ATRNL1: variants seen among roughly 807,000 people sequenced by gnomAD.
ATRNL1 encodes attractin-like protein 1.
ATRNL1 carries 95 observed loss-of-function variants against 182.7 expected under a neutral mutation model. The observed-to-expected ratio is 0.52, with a 90% CI of 0.44 to 0.62. ATRNL1 has a LOEUF of 0.62. Ranked by LOEUF, ATRNL1 falls within the 20% of genes least tolerant of loss-of-function variation. ATRNL1 has a pLI of 0.00. For synonymous variants in ATRNL1, 576 were observed against 568.3 expected (o/e 1.01, Z -0.19); for missense variants, 1,471 against 1,679.5 (o/e 0.88, Z 2.17).
At chr10:115,779,089 G>T (rs1304180598) in intron 27 of ATRNL1, among the ~76,000 whole-genome samples, 1 of 152,156 alleles carries the variant, frequency 6.6e-6, no homozygotes, top group African/African-American at 2.4e-5. Flanking sequence ...ACCCAGGGCA[G>T]ATTGCTCCCA....
intron 3 of ATRNL1, among the ~76,000 whole-genome samples, chr10:115,122,583 T>C (rs900789944): frequency 6.6e-6 from 1 of 152,044 alleles, no homozygotes; most frequent in South Asian, 2.1e-4. Flanking sequence ...TAAAAGCTTA[T>C]TGGTCCCTTC....
At chr10:115,464,505 T>A (rs1410006871) in intron 22 of ATRNL1, among the ~76,000 whole-genome samples, 1 of 151,980 alleles carries the variant, frequency 6.6e-6, no homozygotes, top group Admixed American at 6.6e-5. Context: ...AACTACAGTG[T>A]CACTTTTTCA....
intron 27 of ATRNL1, among the ~76,000 whole-genome samples, chr10:115,751,982 G>A (rs1402771918): frequency 2.0e-5 from 3 of 151,972 alleles, no homozygotes; most frequent in Non-Finnish European, 2.9e-5. Flanking sequence ...ACTTTACTTC[G>A]TAGATCTGAC....
chr10:115,498,706 T>G (rs1849672761), intron 24 of ATRNL1, among the ~76,000 whole-genome samples: 1 of 151,792 alleles, frequency 6.6e-6, no homozygotes, highest in Non-Finnish European at 1.5e-5. Flanking sequence ...ATATCAATAT[T>G]TTAAAATTTT....
At chr10:115,572,379 T>C (rs1854446998) in intron 26 of ATRNL1, among the ~76,000 whole-genome samples, 1 of 152,124 alleles carries the variant, frequency 6.6e-6, no homozygotes. Flanking sequence ...ATTTAGGATT[T>C]GTTTTTGAGG....
At chr10:115,628,124 G>A (rs183186842) in intron 26 of ATRNL1, among the ~76,000 whole-genome samples, 3,305 of 147,264 alleles carry the variant, frequency 0.022, 117 homozygotes, top group African/African-American at 0.079. Flanking sequence ...TCCAGCCTGG[G>A]CAACAGAGCA....
At chr10:115,169,954 G>A (rs1035824177) in intron 7 of ATRNL1, among the ~76,000 whole-genome samples, 7 of 152,052 alleles carry the variant, frequency 4.6e-5, no homozygotes, top group African/African-American at 1.7e-4. Context: ...CATTACAAGT[G>A]TATGGAAATA....
chr10:115,397,661 G>A (rs542717936), intron 20 of ATRNL1, among the ~76,000 whole-genome samples: 1 of 152,064 alleles, frequency 6.6e-6, no homozygotes, highest in East Asian at 1.9e-4. Flanking sequence ...ACCTGAAGGA[G>A]TAATAAAATC....
intron 26 of ATRNL1, among the ~76,000 whole-genome samples, chr10:115,618,830 T>A (rs1857570273): frequency 6.6e-6 from 1 of 152,226 alleles, no homozygotes; most frequent in African/African-American, 2.4e-5. Context: ...CATTTTCTTC[T>A]GTGGTCTCCT....
chr10:115,368,603 C>T (rs1399235050), intron 19 of ATRNL1, among the ~76,000 whole-genome samples: 1 of 152,126 alleles, frequency 6.6e-6, no homozygotes, highest in African/African-American at 2.4e-5. Context: ...ATTATTCTTC[C>T]TTTCTAACAA....
At chr10:115,796,626 G>C (rs1026360338) in intron 27 of ATRNL1, among the ~76,000 whole-genome samples, 39 of 152,174 alleles carry the variant, frequency 2.6e-4, no homozygotes, top group African/African-American at 8.7e-4. Context: ...CAAGTGGAAA[G>C]CTGAGAACTT....
At chr10:115,448,273 G>C (rs1030805054) in intron 21 of ATRNL1, among the ~76,000 whole-genome samples, 1 of 151,906 alleles carries the variant, frequency 6.6e-6, no homozygotes, top group African/African-American at 2.4e-5. Flanking sequence ...CCCTAAACTC[G>C]AATATCAACC....
At chr10:115,713,083 C>T (rs1455719508) in intron 26 of ATRNL1, among the ~76,000 whole-genome samples, 1 of 151,938 alleles carries the variant, frequency 6.6e-6, no homozygotes, top group Non-Finnish European at 1.5e-5. Flanking sequence ...GTGGCTGTTG[C>T]CACTGTATGT....
intron 10 of ATRNL1, among the ~76,000 whole-genome samples, chr10:115,263,058 G>C (rs1405530690): frequency 1.3e-5 from 2 of 151,658 alleles, no homozygotes; most frequent in Non-Finnish European, 3.0e-5. Context: ...AACATGACTT[G>C]TAATAGGAAA....
intron 19 of ATRNL1, among the ~76,000 whole-genome samples, chr10:115,371,469 C>T (rs974195190): frequency 6.6e-5 from 10 of 152,186 alleles, no homozygotes; most frequent in East Asian, 3.9e-4. Flanking sequence ...CTTGCATCAG[C>T]GTAACCTGGA....
At chr10:115,878,851 C>T (rs1951757607) in intron 28 of ATRNL1, among the ~76,000 whole-genome samples, 1 of 152,108 alleles carries the variant, frequency 6.6e-6, no homozygotes, top group Non-Finnish European at 1.5e-5. Flanking sequence ...AAAAATTTAC[C>T]TCCTGACCCC....
chr10:115,154,043 G>A (rs1338578163), intron 5 of ATRNL1, among the ~76,000 whole-genome samples: 1 of 151,254 alleles, frequency 6.6e-6, no homozygotes, highest in Non-Finnish European at 1.5e-5. Context: ...TTAATCCTGA[G>A]TTCTAGTTTG....
chr10:115,887,049 A>G (rs1026550043), intron 28 of ATRNL1, among the ~76,000 whole-genome samples: 2 of 152,176 alleles, frequency 1.3e-5, no homozygotes, highest in African/African-American at 4.8e-5. Flanking sequence ...TGCAGGCATC[A>G]TGTATTGGCA....
At chr10:115,125,954 A>G (rs1554873334) in intron 3 of ATRNL1, among the ~76,000 whole-genome samples, 1 of 152,206 alleles carries the variant, frequency 6.6e-6, no homozygotes, top group Admixed American at 6.5e-5. Context: ...ACTAGATTTC[A>G]GTTGGTCCGA....
Sources: allele counts gnomAD v4.1 joint callset (sites outside exome capture counted in the v4.1 genomes callset), GRCh38; gene constraint gnomAD v4.1.1; transcripts MANE v1.5; gene names NCBI Gene and HGNC (gene_info 2026-07-23, HGNC 2026-07-21).